The following SOX5 variants were observed in gnomAD, a reference collection of about 807,000 sequenced individuals.
The protein encoded by SOX5 is SRY-box transcription factor 5.
A neutral mutation model predicts 92.0 loss-of-function variants in SOX5; 9 were observed. The ratio of observed to expected loss-of-function variants is 0.10; its 90% confidence interval spans 0.06 to 0.17. The LOEUF (loss-of-function observed/expected upper bound fraction) is 0.17, where lower values mean the gene tolerates loss of function less well. Among genes scored for constraint, SOX5 ranks in the 10% least tolerant of loss-of-function variants. The pLI, the probability that SOX5 is intolerant of heterozygous loss-of-function variation, is 1.00. For missense variants in SOX5, 642 were observed against 944.5 expected (o/e 0.68, Z 4.20); for synonymous variants, 344 against 336.3 (o/e 1.02, Z -0.25).
intron 4 of SOX5, among the ~76,000 whole-genome samples, chr12:23,964,894 A>G (rs1291771934): frequency 6.6e-6 from 1 of 152,230 alleles, no homozygotes; most frequent in Non-Finnish European, 1.5e-5. Flanking sequence ...ATAATATCAA[A>G]AAGTTGATGG....
chr12:24,421,414 A>G (rs1348906630), intron 1 of SOX5, among the ~76,000 whole-genome samples: 2 of 152,236 alleles, frequency 1.3e-5, no homozygotes, highest in African/African-American at 2.4e-5. Flanking sequence ...AGCAGTTAAA[A>G]TAGTTTCATG....
At chr12:24,104,587 T>G (rs1358536682) in intron 4 of SOX5, among the ~76,000 whole-genome samples, 3 of 152,214 alleles carry the variant, frequency 2.0e-5, no homozygotes, top group African/African-American at 7.2e-5. Flanking sequence ...TTATACAGTT[T>G]CACTACAAAC....
intron 7 of SOX5, among the ~76,000 whole-genome samples, chr12:23,660,776 C>T: frequency 6.6e-6 from 1 of 151,768 alleles, no homozygotes. Flanking sequence ...TTGATTAAGG[C>T]ACCATTGATG....
intron 1 of SOX5, among the ~76,000 whole-genome samples, chr12:23,935,416 G>A (rs1942325170): frequency 6.6e-6 from 1 of 151,210 alleles, no homozygotes; most frequent in African/African-American, 2.4e-5. Flanking sequence ...TGCCTACTGA[G>A]CTAGCAAAAA....
chr12:24,273,481 T>G (rs1311512935), intron 3 of SOX5, among the ~76,000 whole-genome samples: 1 of 152,190 alleles, frequency 6.6e-6, no homozygotes, highest in Non-Finnish European at 1.5e-5. Flanking sequence ...CCAAAAAAAT[T>G]TATACGTATT....
rs569002188 is a variant in SOX5 at position 23,922,175 on chromosome 12, T to C, written c.39-26151A>G. Among the ~76,000 whole-genome samples the C allele has an allele frequency of 2.0e-4, 31 of 152,306 alleles. No individual in the cohort carries two copies. The South Asian group carries it at 6.2e-3, about 31-fold the overall frequency. ...AATCTTTGTTTTCACTCCTTTCTGG[T>C]ACACCTCCTTCTGAATCCCACCCAA... On this transcript the variant is annotated intron_variant, in intron 1 of 14. Coordinates refer to ENST00000451604, the MANE Select transcript of SOX5 (RefSeq NM_006940.6).
intron 2 of SOX5, among the ~76,000 whole-genome samples, chr12:23,885,719 C>T (rs939346965): frequency 1.1e-4 from 16 of 152,090 alleles, no homozygotes; most frequent in African/African-American, 3.9e-4. Flanking sequence ...GCATTTTGCA[C>T]ACAAAGGAGA....
At chr12:23,723,087 T>C (rs1056201275) in intron 6 of SOX5, among the ~76,000 whole-genome samples, 1 of 152,110 alleles carries the variant, frequency 6.6e-6, no homozygotes, top group African/African-American at 2.4e-5. Context: ...TCTGGCTGCA[T>C]GACACGGGTG....
At chr12:24,335,973 A>T (rs935696719) in intron 2 of SOX5, among the ~76,000 whole-genome samples, 1 of 49,026 alleles carries the variant, frequency 2.0e-5, no homozygotes, top group African/African-American at 5.4e-5. Flanking sequence ...AAATGCTATC[A>T]TATATATATA....
At chr12:23,639,106 T>G (rs1488887028) in intron 8 of SOX5, among the ~76,000 whole-genome samples, 1 of 152,082 alleles carries the variant, frequency 6.6e-6, no homozygotes, top group African/African-American at 2.4e-5. Context: ...TAAGAACATA[T>G]ATGTTTGGTG....
chr12:24,364,232 A>G (rs1955904443), intron 2 of SOX5, among the ~76,000 whole-genome samples: 1 of 152,112 alleles, frequency 6.6e-6, no homozygotes, highest in Non-Finnish European at 1.5e-5. Flanking sequence ...AATGAAACTC[A>G]TTCTGCTCCT....
chr12:24,006,904 C>A (rs1029340411), intron 4 of SOX5, among the ~76,000 whole-genome samples: 1 of 151,738 alleles, frequency 6.6e-6, no homozygotes, highest in East Asian at 1.9e-4. Flanking sequence ...GAGGCCAAGG[C>A]GGGAGGATCA....
chr12:23,721,989 A>G (rs140208731), intron 6 of SOX5, among the ~76,000 whole-genome samples: 2 of 152,244 alleles, frequency 1.3e-5, no homozygotes, highest in Admixed American at 6.5e-5. Flanking sequence ...AGGAGGGTAA[A>G]TATCATTGAG....
chr12:23,972,744 A>G (rs1329604164), intron 4 of SOX5, among the ~76,000 whole-genome samples: 4 of 152,282 alleles, frequency 2.6e-5, no homozygotes, highest in Admixed American at 2.6e-4. Context: ...GTTTTGCTCT[A>G]TGTGTATATT....
At chr12:24,003,266 G>A (rs572408902) in intron 4 of SOX5, among the ~76,000 whole-genome samples, 6 of 152,098 alleles carry the variant, frequency 3.9e-5, no homozygotes, top group South Asian at 2.1e-4. Context: ...CTGTTTGCTC[G>A]CATGATTTCC....
rs543631520 is a variant in SOX5, at chr12:23,539,132, C to T, written c.1772-2463G>A. Among the ~76,000 whole-genome samples the T allele has an allele frequency of 6.6e-5, 10 of 152,092 alleles. No homozygotes were observed. The South Asian group carries it at 2.1e-3, about 32-fold the overall frequency. ...GCATTTTCAATTAGAAGGGGAATTGCCAAAGATTCTTCCCTAAGTTTAAAT... is the reference window on the plus strand; with the variant it reads ...GCATTTTCAATTAGAAGGGGAATTGTCAAAGATTCTTCCCTAAGTTTAAAT... On this transcript the variant is annotated intron_variant, in intron 13 of 14. Transcript: ENST00000451604.
chr12:24,368,313 T>A (rs1271318127), intron 2 of SOX5: 1 of 152,238 alleles, frequency 6.6e-6, no homozygotes, highest in East Asian at 1.9e-4. Context: ...TCTCAGTGGC[T>A]TTTTAAAATT....
chr12:23,963,324 A>C (rs1947167999), intron 4 of SOX5, among the ~76,000 whole-genome samples: 1 of 152,206 alleles, frequency 6.6e-6, no homozygotes, highest in Non-Finnish European at 1.5e-5. Flanking sequence ...CTCAAAGGAG[A>C]CATCACTTAT....
intron 8 of SOX5, among the ~76,000 whole-genome samples, chr12:23,615,326 T>C (rs1229641627): frequency 6.6e-6 from 1 of 152,186 alleles, no homozygotes; most frequent in African/African-American, 2.4e-5. Flanking sequence ...GAATTACTTA[T>C]ATATTTGAGT....
Sources: gnomAD v4.1 joint callset for allele counts (sites outside exome capture counted in the v4.1 genomes callset) on GRCh38, gnomAD v4.1.1 for gene constraint, MANE v1.5 for transcripts, NCBI Gene and HGNC (gene_info 2026-07-23, HGNC 2026-07-21) for gene names.